Variants in PBX1 observed in about 807,000 individuals in gnomAD.
The protein encoded by PBX1 is PBX homeobox 1.
Under a neutral mutation model 53.4 loss-of-function variants are expected in PBX1, and 6 were observed. The ratio of observed to expected loss-of-function variants is 0.11; its 90% CI spans 0.06 to 0.22. The LOEUF is 0.22. Ranked by LOEUF, PBX1 falls within the 10% of genes least tolerant of loss-of-function variation. The pLI, the probability that PBX1 is intolerant of heterozygous loss-of-function variation, is 1.00. For missense variants in PBX1, 251 were observed against 551.4 expected (o/e 0.46, Z 5.46); for synonymous variants, 204 against 212.3 (o/e 0.96, Z 0.34).
intron 2 of PBX1, among the ~76,000 whole-genome samples, chr1:164,754,702 TGAGA>T (rs367620938): frequency 2.6e-5 from 4 of 151,992 alleles, no homozygotes; most frequent in African/African-American, 4.8e-5. Flanking sequence ...TGTGTGTGTG[TGAGA>T]GAGAGAGATG....
At position 164,799,603 on chromosome 1, in the gene PBX1, AG is replaced by A. The variant is rs1668967817; in HGVS notation, c.511-95del. On this transcript the variant is annotated intron_variant, in intron 3 of 8. Coordinates refer to ENST00000420696, the MANE Select transcript of PBX1 (RefSeq NM_002585.4). ...TATCCTAGTTTTCTTTATTTGCACA[AG>A]TCTCTAGAAAAGCCCACGTGGCCTA... is the stretch of plus-strand genomic sequence containing the variant. 3.7e-6 allele frequency: 4 copies of A among 1,068,416 alleles called. No individual in the cohort carries two copies. In the Admixed American group the frequency reaches 8.8e-5, roughly 23 times the overall value. The allele number at this position is 1,068,416 out of a possible 1,614,324, so 66.2% of individuals were successfully genotyped here.
At position 164,573,578 on chromosome 1, in the gene PBX1, G is replaced by T. The variant is rs557910322; in HGVS notation, c.265+10267G>T. Among the ~76,000 whole-genome samples, 10 of 145,112 alleles carry T rather than the reference G, an allele frequency of 6.9e-5. No individual in the cohort carries two copies. The East Asian group carries it at 8.2e-4, about 12-fold the overall frequency. ...GTGATCTCGGCTCACTGCAACCTCTGCCTCCCGGGTTCAAGGGATTCTCCT... is the reference window on the plus strand; with the variant it reads ...GTGATCTCGGCTCACTGCAACCTCTTCCTCCCGGGTTCAAGGGATTCTCCT... On this transcript the variant is annotated intron_variant, in intron 2 of 8. Transcript: ENST00000420696.
chr1:164,863,756 G>A (rs1672149929), intron 2 of PBX1, among the ~76,000 whole-genome samples: 1 of 152,164 alleles, frequency 6.6e-6, no homozygotes, highest in Non-Finnish European at 1.5e-5. Context: ...GCGGATACCA[G>A]TACCTGAATA....
chr1:164,711,032 C>T (rs972963495), intron 2 of PBX1, among the ~76,000 whole-genome samples: 1 of 152,170 alleles, frequency 6.6e-6, no homozygotes, highest in African/African-American at 2.4e-5. Context: ...ATGCACTCTT[C>T]ATCTTGTACC....
At chr1:164,629,399 A>G (rs905471024) in intron 2 of PBX1, among the ~76,000 whole-genome samples, 3 of 152,130 alleles carry the variant, frequency 2.0e-5, no homozygotes, top group Non-Finnish European at 4.4e-5. Flanking sequence ...ACAGGTTACC[A>G]TGTGCATTTT....
intron 2 of PBX1, among the ~76,000 whole-genome samples, chr1:164,570,230 T>A (rs1231557596): frequency 6.6e-6 from 1 of 152,106 alleles, no homozygotes; most frequent in Non-Finnish European, 1.5e-5. Flanking sequence ...AAATTATACT[T>A]TAAGTTCTGG....
chr1:164,669,358 G>A (rs764605711), intron 2 of PBX1, among the ~76,000 whole-genome samples: 10 of 152,124 alleles, frequency 6.6e-5, no homozygotes, highest in Admixed American at 1.3e-4. Flanking sequence ...TCTTGAGGTT[G>A]GGGAGAAACC....
intron 2 of PBX1, among the ~76,000 whole-genome samples, chr1:164,650,818 G>GA (rs915951040): frequency 1.6e-4 from 23 of 147,494 alleles, no homozygotes; most frequent in East Asian, 6.0e-4. Flanking sequence ...CCACCTCCAA[G>GA]AAAAAAAAAA....
intron 2 of PBX1, among the ~76,000 whole-genome samples, chr1:164,634,341 A>T (rs2101885977): frequency 6.6e-6 from 1 of 152,340 alleles, no homozygotes; most frequent in East Asian, 1.9e-4. Flanking sequence ...ACACTTATCT[A>T]GGACTAAAAG....
At chr1:164,741,283 G>A (rs369226276) in intron 2 of PBX1, among the ~76,000 whole-genome samples, 4 of 152,144 alleles carry the variant, frequency 2.6e-5, no homozygotes, top group Admixed American at 6.6e-5. Flanking sequence ...GGACTCATAG[G>A]GCCAGAAGGA....
downstream of PBX1, among the ~76,000 whole-genome samples, chr1:164,856,748 ATCT>A (rs1230272857): frequency 6.6e-6 from 1 of 152,094 alleles, no homozygotes. Context: ...TTTTCCTCTG[ATCT>A]TCTTGATTTT....
At chr1:164,876,084 G>A (rs1191076902) in intron 2 of PBX1, among the ~76,000 whole-genome samples, 1 of 144,266 alleles carries the variant, frequency 6.9e-6, no homozygotes, top group Non-Finnish European at 1.5e-5. Context: ...TCTCCAGAGT[G>A]GAGGTCAGTG....
chr1:164,759,701 C>T (rs1173782855), intron 2 of PBX1, among the ~76,000 whole-genome samples: 7 of 152,100 alleles, frequency 4.6e-5, no homozygotes, highest in African/African-American at 1.7e-4. Context: ...GCGAGGCAAC[C>T]CTGGCACAGG....
chr1:164,801,954 G>C (rs889770399), intron 4 of PBX1, among the ~76,000 whole-genome samples: 1 of 152,168 alleles, frequency 6.6e-6, no homozygotes, highest in Admixed American at 6.5e-5. Context: ...AGCTATAATT[G>C]GGAGAGAGAG....
intron 2 of PBX1, among the ~76,000 whole-genome samples, chr1:164,670,876 G>T (rs147380585): frequency 1.3e-5 from 2 of 152,330 alleles, no homozygotes; most frequent in Non-Finnish European, 2.9e-5. Flanking sequence ...CCCTGCGCCC[G>T]TGTGCACTTT....
chr1:164,588,405 G>GTATATGTAAGT (rs996327744), intron 2 of PBX1, among the ~76,000 whole-genome samples: 2 of 138,504 alleles, frequency 1.4e-5, no homozygotes, highest in African/African-American at 5.2e-5. Context: ...TTGCCAGCCA[G>GTATATGTAAGT]TATATGTAAG....
At chr1:164,637,997 G>C (rs1211108096) in intron 2 of PBX1, among the ~76,000 whole-genome samples, 2 of 152,180 alleles carry the variant, frequency 1.3e-5, no homozygotes, top group Non-Finnish European at 2.9e-5. Flanking sequence ...ATCGTGCTCT[G>C]GGGACCATCT....
In PBX1 at chr1:164,654,438, A is replaced by G. The variant is rs1029358921; in HGVS notation, c.265+91127A>G. The stretch of plus-strand genomic sequence containing the variant: ...ACTTACTATGTCGTGTGATTATCTC[A>G]TCGCTGATGGCCTTTGTCATTAAAT... On this transcript the variant is annotated intron_variant, in intron 2 of 8. Transcript: ENST00000420696. 1.3e-5 allele frequency among the ~76,000 whole-genome samples: 2 copies of G among 152,182 alleles called. 1 individual carries two copies. The highest frequency in any genetic ancestry group is 4.1e-4 in the South Asian group (2 of 4,830).
intron 3 of PBX1, among the ~76,000 whole-genome samples, chr1:164,796,808 TAG>T (rs1004734436): frequency 6.6e-6 from 1 of 152,224 alleles, no homozygotes; most frequent in African/African-American, 2.4e-5. Context: ...CAGCCTACAG[TAG>T]AGTCTCCTCT....
Sources: gnomAD v4.1 joint callset for allele counts (sites outside exome capture counted in the v4.1 genomes callset) on GRCh38, gnomAD v4.1.1 for gene constraint, MANE v1.5 for transcripts, NCBI Gene and HGNC (gene_info 2026-07-23, HGNC 2026-07-21) for gene names.